The following MCTP2 variants were observed in gnomAD, a reference collection of about 807,000 sequenced individuals.
MCTP2 encodes multiple C2 and transmembrane domain-containing protein 2.
A neutral mutation model predicts 111.6 loss-of-function variants in MCTP2; 132 were observed. That is an observed-to-expected ratio of 1.18 (90% CI 1.03 to 1.37). The LOEUF (loss-of-function observed/expected upper bound fraction) is 1.37. MCTP2 is among the 40% of genes most tolerant of loss of function. The pLI is 0.00. For missense variants in MCTP2, 1,183 were observed against 1,067.9 expected (o/e 1.11, Z -1.50); for synonymous variants, 395 against 387.7 (o/e 1.02, Z -0.22).
At chr15:94,360,520 A>G (rs372308553) in intron 10 of MCTP2, among the ~76,000 whole-genome samples, 54 of 152,322 alleles carry the variant, frequency 3.5e-4, no homozygotes, top group African/African-American at 9.9e-4. Flanking sequence ...AAATTCAGAG[A>G]ACTCTGTGTC....
intron 1 of MCTP2, among the ~76,000 whole-genome samples, chr15:94,246,941 A>G (rs943604835): frequency 6.6e-6 from 1 of 152,196 alleles, no homozygotes; most frequent in Non-Finnish European, 1.5e-5. Flanking sequence ...ATGAGTGCTG[A>G]CTGCCATCTT....
intron 14 of MCTP2, among the ~76,000 whole-genome samples, chr15:94,387,287 A>G (rs1034898800): frequency 2.0e-5 from 3 of 151,674 alleles, no homozygotes; most frequent in African/African-American, 7.3e-5. Context: ...TGCCCTGTGC[A>G]TCGTAGCATG....
chr15:94,371,625 G>C (rs762677069), intron 12 of MCTP2, among the ~76,000 whole-genome samples: 3 of 152,098 alleles, frequency 2.0e-5, no homozygotes, highest in Non-Finnish European at 4.4e-5. Context: ...TCCAGTGACT[G>C]ATTATAATGC....
intron 12 of MCTP2, among the ~76,000 whole-genome samples, chr15:94,381,350 G>T (rs192603153): frequency 6.6e-6 from 1 of 152,150 alleles, no homozygotes. Flanking sequence ...ATTAATAAAT[G>T]CAGCATTTTA....
At chr15:94,407,433 C>A (rs910224973) in intron 17 of MCTP2, among the ~76,000 whole-genome samples, 6 of 152,158 alleles carry the variant, frequency 3.9e-5, no homozygotes, top group African/African-American at 1.4e-4. Flanking sequence ...AAAAAGTAAT[C>A]TAAATCTACC....
intron 1 of MCTP2, among the ~76,000 whole-genome samples, chr15:94,234,647 C>A (rs2152205573): frequency 6.6e-6 from 1 of 152,326 alleles, no homozygotes; most frequent in East Asian, 1.9e-4. Flanking sequence ...ACGAACAATT[C>A]TGAGAGCTGG....
chr15:94,441,304 G>A (rs938336134), intron 18 of MCTP2, among the ~76,000 whole-genome samples: 1 of 152,158 alleles, frequency 6.6e-6, no homozygotes, highest in Non-Finnish European at 1.5e-5. Flanking sequence ...AATGCAATAG[G>A]CATGAACACA....
At chr15:94,335,553 C>A (rs2077320803) in intron 4 of MCTP2, among the ~76,000 whole-genome samples, 1 of 152,080 alleles carries the variant, frequency 6.6e-6, no homozygotes, top group African/African-American at 2.4e-5. Flanking sequence ...AAACCATGGG[C>A]CCTTCATATT....
intron 17 of MCTP2, among the ~76,000 whole-genome samples, chr15:94,430,384 C>G (rs972336098): frequency 1.6e-5 from 2 of 127,484 alleles, no homozygotes; most frequent in Admixed American, 9.0e-5. Context: ...AAAAAAAACC[C>G]AAAAACAATC....
intron 10 of MCTP2, among the ~76,000 whole-genome samples, chr15:94,366,177 A>G (rs1350582936): frequency 6.6e-6 from 1 of 152,192 alleles, no homozygotes; most frequent in Non-Finnish European, 1.5e-5. Context: ...TAACTTTAAA[A>G]GCTTCCCTAT....
chr15:94,337,914 A>G (rs1028021315), intron 4 of MCTP2, among the ~76,000 whole-genome samples: 2 of 152,140 alleles, frequency 1.3e-5, no homozygotes, highest in African/African-American at 4.8e-5. Flanking sequence ...CTGCTATTTT[A>G]GTTCGTAGTG....
intron 10 of MCTP2, among the ~76,000 whole-genome samples, chr15:94,365,208 G>C (rs992160969): frequency 2.6e-5 from 4 of 152,168 alleles, no homozygotes; most frequent in Non-Finnish European, 1.5e-5. Context: ...TCTAGTCACT[G>C]AGAAAGTACA....
chr15:94,411,760 A>T (rs1315483152), intron 17 of MCTP2, among the ~76,000 whole-genome samples: 1 of 152,180 alleles, frequency 6.6e-6, no homozygotes, highest in African/African-American at 2.4e-5. Flanking sequence ...ACAAAAAAAA[A>T]GATTTTGATA....
At chr15:94,285,597 A>G (rs551606947) in intron 1 of MCTP2, among the ~76,000 whole-genome samples, 2 of 152,262 alleles carry the variant, frequency 1.3e-5, no homozygotes, top group South Asian at 2.1e-4. Context: ...CATTCTGGTC[A>G]TTTCAGGGCA....
rs1033737347 is a variant in MCTP2 at position 94,442,789 on chromosome 15, A to G, written c.2209-130A>G. The stretch of plus-strand genomic sequence containing the variant: ...TGAACTTTAAAAGAGTTATTGTTTA[A>G]GAGGTTGTAATGCATTTCAAAAATA... On this transcript the variant is annotated intron_variant, in intron 18 of 22. Coordinates refer to ENST00000357742, the MANE Select transcript of MCTP2 (RefSeq NM_001385001.1). 5 of 716,314 alleles carry G rather than the reference A, an allele frequency of 7.0e-6. No homozygotes were observed. The African/African-American group carries it at 8.9e-5, about 13-fold the overall frequency. The allele number at this position is 716,314 out of a possible 1,614,324, so 44.4% of individuals were successfully genotyped here. A position where few individuals can be genotyped will look rare whatever the true frequency, so the allele number is the denominator to read the frequency against.
intron 14 of MCTP2, among the ~76,000 whole-genome samples, chr15:94,388,255 G>C (rs2080635912): frequency 6.6e-6 from 1 of 152,142 alleles, no homozygotes; most frequent in Admixed American, 6.5e-5. Flanking sequence ...GCACAGCCTG[G>C]GCCATTCCTT....
rs1447168795 is a variant in MCTP2, at chr15:94,243,701, A to ATACATATATG, written c.-66+12039_-66+12040insCATATATGTA. Among the ~76,000 whole-genome samples the ATACATATATG allele has an allele frequency of 1.7e-3, 231 of 135,400 alleles. 1 individual carries two copies. Among genetic ancestry groups the ATACATATATG allele is most frequent in the Non-Finnish European group, 2.9e-3 (181 of 62,750 alleles). The allele number at this position is 135,400 out of a possible 152,430, so 88.8% of individuals were successfully genotyped here. On this transcript the variant is annotated intron_variant, in intron 1 of 22. Transcript: ENST00000357742. Reference sequence around the variant, plus strand: ...TATATGTATACACATACATATGCGTATATACACATATATGTATACACATAC... The same window carrying ATACATATATG: ...TATATGTATACACATACATATGCGTATACATATATGTATACACATATATGTATACACATAC...
intron 17 of MCTP2, chr15:94,402,369 C>T: frequency 1.4e-6 from 2 of 1,480,124 alleles, no homozygotes; most frequent in Non-Finnish European, 1.8e-6. Flanking sequence ...TAAATAATAA[C>T]TGAATTGTTC....
chr15:94,481,836 TTC>T lies in MCTP2; in HGVS notation c.*2804_*2805del, dbSNP rs984227852. On this transcript the variant is annotated 3_prime_UTR_variant, in exon 23 of 23. Transcript: ENST00000357742. ...ACAGGCCAGGTCGTAGAGATTATTT[TTC>T]TTTCTCTGCCTTTTCATGTGCTGCT... 6.6e-6 allele frequency: 1 copy of T among 152,272 alleles called. No individual in the cohort carries two copies. The highest frequency in any genetic ancestry group is 2.4e-5 in the African/African-American group (1 of 41,468). The allele number at this position is 152,272 out of a possible 1,614,324, so 9.4% of individuals were successfully genotyped here.
Sources: gnomAD v4.1 joint callset for allele counts (sites outside exome capture counted in the v4.1 genomes callset) on GRCh38, gnomAD v4.1.1 for gene constraint, MANE v1.5 for transcripts, NCBI Gene and HGNC (gene_info 2026-07-23, HGNC 2026-07-21) for gene names.